The following MAP3K2 variants were observed in gnomAD, a reference collection of about 807,000 sequenced individuals.
MAP3K2 encodes mitogen-activated protein kinase kinase kinase 2.
A neutral mutation model predicts 80.3 loss-of-function variants in MAP3K2; 24 were observed. That is an observed-to-expected ratio of 0.30 (90% CI 0.22 to 0.42). The LOEUF is 0.42. Among genes scored for constraint, MAP3K2 ranks in the 10% least tolerant of loss-of-function variants. MAP3K2 has a pLI of 1.00. For synonymous variants in MAP3K2, 244 were observed against 253.7 expected (o/e 0.96, Z 0.36); for missense variants, 608 against 750.1 (o/e 0.81, Z 2.21).
intron 9 of MAP3K2, among the ~76,000 whole-genome samples, chr2:127,324,803 G>A (rs1032970350): frequency 6.6e-6 from 1 of 152,126 alleles, no homozygotes; most frequent in South Asian, 2.1e-4. Flanking sequence ...CTTTCATAAA[G>A]CAATTCCAGA....
chr2:127,345,504 G>T (rs962347816), intron 1 of MAP3K2, among the ~76,000 whole-genome samples: 7 of 152,214 alleles, frequency 4.6e-5, no homozygotes, highest in Non-Finnish European at 1.0e-4. Context: ...TACAAGACTT[G>T]TACAACACTA....
At chr2:127,353,557 G>A (rs565840426) in intron 1 of MAP3K2, among the ~76,000 whole-genome samples, 776 of 35,700 alleles carry the variant, frequency 0.022, 14 homozygotes, top group African/African-American at 0.076. Flanking sequence ...TGCCCCGTCC[G>A]GGAGGGAGGT....
rs775135821 is a variant in MAP3K2 at position 127,339,813 on chromosome 2, CTTAAT to C, written c.5-768_5-764del. Among the ~76,000 whole-genome samples the C allele has an allele frequency of 2.5e-4, 38 of 152,150 alleles. No homozygotes were observed. Among genetic ancestry groups the C allele is most frequent in the Non-Finnish European group, 4.4e-4 (30 of 68,026 alleles). ...GCTCTCCAGAAGACATCAGGGACAA[CTTAAT>C]TTATTTTCACTAGTAAATCAATTCT... On this transcript the variant is annotated intron_variant, in intron 2 of 16. Transcript: ENST00000682094. This position sits in a 1 kb window ranked among gnomAD's most constrained non-coding sequence, Gnocchi z 4.2.
chr2:127,329,397 G>A (rs373809586), intron 7 of MAP3K2, among the ~76,000 whole-genome samples: 61 of 129,300 alleles, frequency 4.7e-4, no homozygotes, highest in East Asian at 4.4e-3. Flanking sequence ...TTGCTTTGTC[G>A]CCAGGCTGGA....
At chr2:127,326,433 C>T (rs1019017581) in intron 8 of MAP3K2, among the ~76,000 whole-genome samples, 1 of 152,138 alleles carries the variant, frequency 6.6e-6, no homozygotes, top group East Asian at 1.9e-4. Context: ...AATTACAAAG[C>T]AAATGCATTA....
chr2:127,330,034 G>A (rs372705683), intron 6 of MAP3K2, 26 bp from the exon 7 acceptor site: 6 of 1,319,304 alleles, frequency 4.5e-6, no homozygotes, highest in Non-Finnish European at 6.6e-6. Flanking sequence ...GACAGTTAAT[G>A]CTATTCTTCC....
intron 1 of MAP3K2, among the ~76,000 whole-genome samples, chr2:127,366,348 GTA>G (rs1686970977): frequency 6.9e-6 from 1 of 145,814 alleles, no homozygotes; most frequent in South Asian, 2.2e-4. Flanking sequence ...AGGAGTTTGA[GTA>G]CAGCCTGGGC....
At chr2:127,314,532 A>G (rs1221943268) in intron 15 of MAP3K2, among the ~76,000 whole-genome samples, 1 of 152,168 alleles carries the variant, frequency 6.6e-6, no homozygotes, top group East Asian at 1.9e-4. Context: ...GGTCTCTTAA[A>G]CTTTACTGGT....
chr2:127,376,781 T>C (rs1426978112), intron 1 of MAP3K2, among the ~76,000 whole-genome samples: 2 of 152,188 alleles, frequency 1.3e-5, no homozygotes, highest in African/African-American at 4.8e-5. Context: ...AAAATCATGC[T>C]GATGCTGTGC....
chr2:127,310,230 G>T lies in MAP3K2; in HGVS notation c.1457-1468C>A, dbSNP rs1277801764. 6.6e-6 allele frequency among the ~76,000 whole-genome samples: 1 copy of T among 152,080 alleles called. No homozygotes were observed. Among genetic ancestry groups the T allele is most frequent in the Non-Finnish European group, 1.5e-5 (1 of 68,020 alleles). On this transcript the variant is annotated intron_variant, in intron 15 of 16. Coordinates refer to ENST00000682094, the MANE Select transcript of MAP3K2 (RefSeq NM_001371910.2). The surrounding 1 kb of genome is among the most constrained non-coding windows in gnomAD (Gnocchi z 4.8). ...TTGTATCCTTGGCTTTTGTTTTGGA[G>T]CACTTTCTTGCTTTCTGGCATTTGA...
At chr2:127,382,732 G>C (rs1687267267) in intron 1 of MAP3K2, among the ~76,000 whole-genome samples, 3 of 152,184 alleles carry the variant, frequency 2.0e-5, no homozygotes, top group African/African-American at 7.2e-5. Flanking sequence ...CACCATGTTG[G>C]TCAGGCTGGT....
intron 6 of MAP3K2, 136 bp from the exon 7 acceptor site, chr2:127,330,144 T>C: frequency 3.3e-6 from 2 of 611,748 alleles, no homozygotes; most frequent in Non-Finnish European, 2.9e-6. Context: ...GAAATTTTAA[T>C]TCTAACATAA....
intron 1 of MAP3K2, among the ~76,000 whole-genome samples, chr2:127,352,817 G>C (rs1686716780): frequency 6.6e-6 from 1 of 151,970 alleles, no homozygotes; most frequent in South Asian, 2.1e-4. Context: ...TCCTGCCTCA[G>C]CCTGCCGAGT....
At chr2:127,314,552 C>T (rs1685864760) in intron 15 of MAP3K2, among the ~76,000 whole-genome samples, 1 of 152,110 alleles carries the variant, frequency 6.6e-6, no homozygotes, top group African/African-American at 2.4e-5. Flanking sequence ...TTCTGTGAGC[C>T]CCCACAGTAG....
In MAP3K2 at chr2:127,339,078, T is replaced by G; in HGVS notation, c.5-28A>C. ...AGGTAGTTTTGAAACAACACATACA[T>G]AGAATTGTAATTGTGACATATATAT... On this transcript the variant is annotated intron_variant, in intron 2 of 16. Transcript: ENST00000682094. The surrounding 1 kb of genome is among the most constrained non-coding windows in gnomAD (Gnocchi z 4.2). The G allele has an allele frequency of 7.4e-7, 1 of 1,354,924 alleles. No homozygotes were observed. Among genetic ancestry groups the G allele is most frequent in the Non-Finnish European group, 1.0e-6 (1 of 958,682 alleles). 83.9% of individuals were successfully genotyped at this position (1,354,924 alleles called of 1,614,324 possible).
intron 2 of MAP3K2, among the ~76,000 whole-genome samples, chr2:127,342,055 T>C (rs1004688361): frequency 3.9e-5 from 6 of 152,096 alleles, no homozygotes; most frequent in African/African-American, 7.2e-5. Flanking sequence ...TTTTAAGCAA[T>C]GAATGTTGCC....
At chr2:127,356,658 G>A (rs1471939168) in intron 1 of MAP3K2, among the ~76,000 whole-genome samples, 2 of 152,226 alleles carry the variant, frequency 1.3e-5, no homozygotes, top group East Asian at 3.9e-4. Context: ...TATGGTGCTG[G>A]GAAAATTGGA....
chr2:127,346,968 G>T (rs1349279300), intron 1 of MAP3K2, among the ~76,000 whole-genome samples: 1 of 151,938 alleles, frequency 6.6e-6, no homozygotes, highest in East Asian at 1.9e-4. Context: ...TCTAGCCCGC[G>T]CGACAGAGCG....
chr2:127,359,811 G>A (rs553748701), intron 1 of MAP3K2, among the ~76,000 whole-genome samples: 20 of 152,210 alleles, frequency 1.3e-4, no homozygotes, highest in East Asian at 3.9e-4. Flanking sequence ...CTCCCCCTTC[G>A]CCTTCTGCCA....
Sources: gnomAD v4.1 joint callset for allele counts (sites outside exome capture counted in the v4.1 genomes callset) on GRCh38, gnomAD v4.1.1 for gene constraint, Gnocchi (gnomAD v3.1) non-coding constraint, MANE v1.5 for transcripts, NCBI Gene and HGNC (gene_info 2026-07-23, HGNC 2026-07-21) for gene names.